Variants in FGF14 observed in about 807,000 individuals in gnomAD.
The protein encoded by FGF14 is fibroblast growth factor 14, also known as fibroblast growth factor homologous factor 4.
In FGF14, 5 loss-of-function variants were observed where a neutral mutation model predicts 25.5. The observed-to-expected ratio is 0.20, with a 90% CI of 0.10 to 0.41. FGF14 has a LOEUF of 0.41. FGF14 is among the 10% of genes least tolerant of loss of function. The pLI is 1.00. For synonymous variants in FGF14, 138 were observed against 118.3 expected (o/e 1.17, Z -1.08); for missense variants, 222 against 320.1 (o/e 0.69, Z 2.34).
chr13:101,957,480 T>C (rs529876926), intron 1 of FGF14, among the ~76,000 whole-genome samples: 16 of 152,322 alleles, frequency 1.1e-4, no homozygotes, highest in African/African-American at 3.1e-4. Context: ...AGCTTTGCTA[T>C]TCAAAGTATG....
At chr13:101,855,567 A>G (rs1439594812) in intron 3 of FGF14, among the ~76,000 whole-genome samples, 1 of 151,984 alleles carries the variant, frequency 6.6e-6, no homozygotes, top group East Asian at 1.9e-4. Flanking sequence ...AAGTCCTGCT[A>G]TGTGCCATAT....
chr13:101,889,963 C>A (rs995261912), intron 1 of FGF14, among the ~76,000 whole-genome samples: 19 of 152,094 alleles, frequency 1.2e-4, no homozygotes, highest in Non-Finnish European at 1.2e-4. Context: ...CTTAAATATC[C>A]CCATTTATGA....
intron 1 of FGF14, among the ~76,000 whole-genome samples, chr13:102,194,635 T>A (rs907952352): frequency 6.6e-6 from 1 of 151,768 alleles, no homozygotes; most frequent in African/African-American, 2.4e-5. Flanking sequence ...TGTACCAACA[T>A]CCACATAATG....
intron 1 of FGF14, among the ~76,000 whole-genome samples, chr13:102,308,759 A>T (rs1465525298): frequency 6.6e-6 from 1 of 152,062 alleles, no homozygotes; most frequent in Non-Finnish European, 1.5e-5. Flanking sequence ...GAAATCTGCC[A>T]ATCTGCCCTC....
intron 1 of FGF14, among the ~76,000 whole-genome samples, chr13:101,891,779 C>A (rs953658382): frequency 1.3e-5 from 2 of 152,046 alleles, no homozygotes; most frequent in Non-Finnish European, 2.9e-5. Context: ...AGAAATTTAA[C>A]AATGTTCACA....
At chr13:101,903,388 G>T (rs1271659431) in intron 1 of FGF14, among the ~76,000 whole-genome samples, 1 of 152,130 alleles carries the variant, frequency 6.6e-6, no homozygotes. Flanking sequence ...ATGTACACAA[G>T]CTGTAATTTT....
intron 3 of FGF14, among the ~76,000 whole-genome samples, chr13:101,819,104 C>CTTG (rs912896669): frequency 1.3e-5 from 2 of 152,100 alleles, no homozygotes; most frequent in African/African-American, 4.8e-5. Context: ...TTGTAACAAG[C>CTTG]TTACAAGGTA....
At chr13:102,065,154 G>A (rs917315652) in intron 1 of FGF14, among the ~76,000 whole-genome samples, 2 of 151,950 alleles carry the variant, frequency 1.3e-5, no homozygotes, top group Non-Finnish European at 2.9e-5. Flanking sequence ...CATCTATTAA[G>A]CCTGGATAGA....
intron 3 of FGF14, among the ~76,000 whole-genome samples, chr13:101,821,053 A>T (rs1328948771): frequency 4.8e-5 from 7 of 145,740 alleles, no homozygotes; most frequent in Non-Finnish European, 9.1e-5. Context: ...GATTCACGCC[A>T]TTCTCCTGCC....
At chr13:102,096,075 T>G (rs542090042) in intron 1 of FGF14, among the ~76,000 whole-genome samples, 1 of 151,162 alleles carries the variant, frequency 6.6e-6, no homozygotes, top group Middle Eastern at 3.4e-3. Context: ...TCAAAGTTAT[T>G]AGAGTTGGGA....
rs190056532 is a variant in FGF14 at position 101,816,224 on chromosome 13, C to T, written c.408+52501G>A. On this transcript the variant is annotated intron_variant, in intron 3 of 4. Coordinates refer to ENST00000376143, the MANE Select transcript of FGF14 (RefSeq NM_004115.4). ...GGCGGAGCTTGCAGTGAGCCGAGAT[C>T]GCGCCACTGCACTCCAACCTGGGGA... Among the ~76,000 whole-genome samples, 51 of 145,760 alleles carry T rather than the reference C, an allele frequency of 3.5e-4. No homozygotes were observed. In the East Asian group the frequency reaches 8.5e-3, roughly 24 times the overall value.
chr13:101,969,411 A>C (rs576229975), intron 1 of FGF14, among the ~76,000 whole-genome samples: 5 of 152,172 alleles, frequency 3.3e-5, no homozygotes, highest in Non-Finnish European at 7.3e-5. Flanking sequence ...AAAATAACAA[A>C]AAAAAAGAAA....
chr13:101,989,293 C>T (rs894721435), intron 1 of FGF14, among the ~76,000 whole-genome samples: 1 of 151,876 alleles, frequency 6.6e-6, no homozygotes, highest in Non-Finnish European at 1.5e-5. Flanking sequence ...TTAAAAACTC[C>T]AATTCACAAA....
At chr13:101,912,170 T>A (rs1379123904) in intron 1 of FGF14, among the ~76,000 whole-genome samples, 1 of 152,144 alleles carries the variant, frequency 6.6e-6, no homozygotes, top group Admixed American at 6.5e-5. Flanking sequence ...TAGGTGTACA[T>A]GCATTTCTGC....
chr13:102,257,632 C>G (rs999419917), intron 1 of FGF14, among the ~76,000 whole-genome samples: 2 of 151,972 alleles, frequency 1.3e-5, no homozygotes, highest in Non-Finnish European at 2.9e-5. Flanking sequence ...CACGCCCAGC[C>G]GTTTGCATGT....
intron 3 of FGF14, among the ~76,000 whole-genome samples, chr13:101,822,553 T>C (rs1203428592): frequency 6.6e-6 from 1 of 152,076 alleles, no homozygotes; most frequent in African/African-American, 2.4e-5. Context: ...TTTAGATTAA[T>C]TTGAAGAGAT....
intron 1 of FGF14, among the ~76,000 whole-genome samples, chr13:102,082,651 T>G (rs2043681063): frequency 6.6e-6 from 1 of 152,126 alleles, no homozygotes; most frequent in Admixed American, 6.6e-5. Context: ...AATTAATGGG[T>G]CATCTCTAAA....
chr13:101,831,686 C>G (rs2042678100), intron 3 of FGF14, among the ~76,000 whole-genome samples: 1 of 152,034 alleles, frequency 6.6e-6, no homozygotes, highest in South Asian at 2.1e-4. Context: ...TTCTACTGTA[C>G]CAGACTCTGC....
Position 102,232,877 on chromosome 13 carries a change from T to A in FGF14, c.208+168594A>T, listed in dbSNP as rs949905325. On this transcript the variant is annotated intron_variant, in intron 1 of 4. Coordinates refer to the FGF14 transcript ENST00000376131. ...TGATGACAATAAAGTAGTAGTTTTA[T>A]CTTGAAATGTGCTTATATATTAGGT... Among the ~76,000 whole-genome samples the A allele has an allele frequency of 1.7e-4, 26 of 152,312 alleles. No homozygotes were observed. In the South Asian group the frequency reaches 2.7e-3, roughly 16 times the overall value.
Sources: gnomAD v4.1 joint callset for allele counts (sites outside exome capture counted in the v4.1 genomes callset) on GRCh38, gnomAD v4.1.1 for gene constraint, MANE v1.5 for transcripts, NCBI Gene and HGNC (gene_info 2026-07-23, HGNC 2026-07-21) for gene names.